The following PTPRD variants were observed in gnomAD, a reference collection of about 807,000 sequenced individuals.
The protein encoded by PTPRD is receptor-type tyrosine-protein phosphatase delta.
In PTPRD, 34 loss-of-function variants were observed where a neutral mutation model predicts 214.5. That is an observed-to-expected ratio of 0.16 (90% CI 0.12 to 0.21). The LOEUF (loss-of-function observed/expected upper bound fraction) is 0.21. PTPRD is among the 10% of genes least tolerant of loss of function. The probability of loss-of-function intolerance (pLI) is 1.00; values close to 1 mark genes in which losing one functional copy is unlikely to be tolerated. For synonymous variants in PTPRD, 1,128 were observed against 845.7 expected (o/e 1.33, Z -5.79); for missense variants, 2,545 against 2,398.7 (o/e 1.06, Z -1.27).
chr9:9,822,144 G>A (rs2050974472), intron 5 of PTPRD, among the ~76,000 whole-genome samples: 1 of 150,876 alleles, frequency 6.6e-6, no homozygotes, highest in East Asian at 1.9e-4. Context: ...TGGATGTGGT[G>A]GCTCACTCCT....
chr9:10,133,393 A>C (rs1445809326), intron 3 of PTPRD, among the ~76,000 whole-genome samples: 3 of 152,216 alleles, frequency 2.0e-5, no homozygotes, highest in African/African-American at 7.2e-5. Flanking sequence ...TTAACTCTGC[A>C]GGTGACGGTG....
At chr9:9,844,183 G>T (rs1411737998) in intron 5 of PTPRD, among the ~76,000 whole-genome samples, 4 of 151,624 alleles carry the variant, frequency 2.6e-5, no homozygotes, top group African/African-American at 9.7e-5. Context: ...TCACTTTCTT[G>T]AATTAAAATT....
At chr9:8,627,203 TG>T (rs767503582) in intron 14 of PTPRD, among the ~76,000 whole-genome samples, 2 of 151,928 alleles carry the variant, frequency 1.3e-5, no homozygotes, top group Non-Finnish European at 2.9e-5. Flanking sequence ...ACATGTCAGC[TG>T]GAAGAACATT....
chr9:9,413,428 T>A (rs2076124957), intron 8 of PTPRD, among the ~76,000 whole-genome samples: 1 of 152,176 alleles, frequency 6.6e-6, no homozygotes, highest in Admixed American at 6.5e-5. Flanking sequence ...GCTTCTTATT[T>A]TAAATCATGT....
intron 9 of PTPRD, among the ~76,000 whole-genome samples, chr9:9,347,841 G>C (rs2049455034): frequency 1.3e-5 from 2 of 152,010 alleles, no homozygotes; most frequent in Admixed American, 6.6e-5. Context: ...GCAATGACTG[G>C]AAGAATTCAA....
rs1298743488 is a variant in PTPRD at position 8,702,611 on chromosome 9, T to C, written c.64+31169A>G. 2.6e-5 allele frequency among the ~76,000 whole-genome samples: 4 copies of C among 151,874 alleles called. No individual in the cohort carries two copies. The East Asian group carries it at 7.8e-4, about 30-fold the overall frequency. ...TTAAGAAAAGCCACAATATAAGAGGTGCAATTTTTTGGGTTTCTTTTAGAC... is the reference window on the plus strand; with the variant it reads ...TTAAGAAAAGCCACAATATAAGAGGCGCAATTTTTTGGGTTTCTTTTAGAC... On this transcript the variant is annotated intron_variant, in intron 12 of 45. Transcript: ENST00000381196.
chr9:8,449,784 A>G lies in PTPRD; in HGVS notation c.3929T>C (p.Ile1310Thr), dbSNP rs1240958736. Reference sequence around the variant, plus strand: ...AGGGTCTGTTGGGTGGTGTGAAGGGATCTCCTTATTGTTCGGTATGCTGCT... The same window carrying G: ...AGGGTCTGTTGGGTGGTGTGAAGGGGTCTCCTTATTGTTCGGTATGCTGCT... ...RKSSIPNNKE[I>T]PSHHPTDPVE... The change falls in exon 34 of 46, where the codon ATC becomes ACC. Residue 1310 changes from isoleucine to threonine, a missense_variant. Physicochemically the swap from Ile to Thr is moderately conservative, Grantham distance 89. Coordinates refer to ENST00000381196, the MANE Select transcript of PTPRD (RefSeq NM_002839.4). 3 of 1,614,066 alleles carry G rather than the reference A, an allele frequency of 1.9e-6. No individual in the cohort carries two copies. The East Asian group carries it at 6.7e-5, about 36-fold the overall frequency.
At chr9:9,070,974 G>A (rs1359749686) in intron 10 of PTPRD, among the ~76,000 whole-genome samples, 1 of 152,008 alleles carries the variant, frequency 6.6e-6, no homozygotes, top group Admixed American at 6.6e-5. Flanking sequence ...GTAGTGCAGT[G>A]CCTCCCCCAG....
At chr9:10,348,221 T>C (rs1003504625) in intron 2 of PTPRD, among the ~76,000 whole-genome samples, 27 of 152,192 alleles carry the variant, frequency 1.8e-4, no homozygotes, top group African/African-American at 6.0e-4. Flanking sequence ...GGATTACTTT[T>C]TTTAAGGCAA....
intron 3 of PTPRD, among the ~76,000 whole-genome samples, chr9:10,060,394 C>T (rs900406434): frequency 1.3e-5 from 2 of 152,044 alleles, no homozygotes; most frequent in Non-Finnish European, 2.9e-5. Flanking sequence ...AATAACACAA[C>T]GCTTTCTACC....
chr9:8,549,907 G>GT (rs1184733726), intron 14 of PTPRD, among the ~76,000 whole-genome samples: 1 of 152,076 alleles, frequency 6.6e-6, no homozygotes, highest in African/African-American at 2.4e-5. Flanking sequence ...TTCATTTAGC[G>GT]TATCTATATT....
chr9:10,064,648 G>C (rs1371628619), intron 3 of PTPRD, among the ~76,000 whole-genome samples: 1 of 151,806 alleles, frequency 6.6e-6, no homozygotes, highest in Non-Finnish European at 1.5e-5. Flanking sequence ...AAGGGGAGAT[G>C]TATTTGAGAG....
chr9:9,202,170 C>G (rs967797655), intron 9 of PTPRD, among the ~76,000 whole-genome samples: 4 of 152,140 alleles, frequency 2.6e-5, no homozygotes, highest in African/African-American at 7.2e-5. Context: ...AAAGCCTAGA[C>G]AGTTTGTCAG....
At chr9:9,674,635 T>C (rs1485605856) in intron 7 of PTPRD, among the ~76,000 whole-genome samples, 2 of 151,710 alleles carry the variant, frequency 1.3e-5, no homozygotes, top group African/African-American at 4.8e-5. Context: ...GCCAAATACA[T>C]ACCTTGAAAT....
chr9:9,496,832 A>G (rs1051313048), intron 8 of PTPRD, among the ~76,000 whole-genome samples: 59 of 152,216 alleles, frequency 3.9e-4, no homozygotes, highest in African/African-American at 1.4e-3. Context: ...CACAGTAGCT[A>G]AAATGTGGCA....
chr9:10,552,360 C>A (rs2061534941), intron 2 of PTPRD, among the ~76,000 whole-genome samples: 1 of 152,126 alleles, frequency 6.6e-6, no homozygotes, highest in Non-Finnish European at 1.5e-5. Flanking sequence ...ACCTATTGCT[C>A]CCCAAACTCT....
intron 4 of PTPRD, among the ~76,000 whole-genome samples, chr9:10,029,782 G>A (rs993487488): frequency 2.0e-5 from 3 of 152,186 alleles, no homozygotes; most frequent in Non-Finnish European, 4.4e-5. Context: ...AATGAGTTAA[G>A]ACTTCGAGGG....
intron 43 of PTPRD, among the ~76,000 whole-genome samples, chr9:8,332,285 T>G (rs1333419310): frequency 6.6e-6 from 1 of 152,056 alleles, no homozygotes; most frequent in Non-Finnish European, 1.5e-5. Context: ...ATGGTGAAAT[T>G]TAAAGTATCT....
rs993466141 is a variant in PTPRD at position 10,351,476 on chromosome 9, C to T, written c.-599-10459G>A. 6.6e-5 allele frequency among the ~76,000 whole-genome samples: 10 copies of T among 151,902 alleles called. 1 individual carries two copies. The highest frequency in any genetic ancestry group is 2.4e-4 in the African/African-American group (10 of 41,368). The stretch of plus-strand genomic sequence containing the variant: ...TTGTTCAAATGGGACCTCTTACTCA[C>T]CATTAAGAAAATATATTGTATTGGA... On this transcript the variant is annotated intron_variant, in intron 2 of 45. Transcript: ENST00000381196.
Sources: allele counts gnomAD v4.1 joint callset (sites outside exome capture counted in the v4.1 genomes callset), GRCh38; gene constraint gnomAD v4.1.1; transcripts MANE v1.5; gene names NCBI Gene and HGNC (gene_info 2026-07-23, HGNC 2026-07-21).